Variants in HPSE2 observed in about 807,000 individuals in gnomAD.
HPSE2 encodes heparanase 2 (inactive).
Under a neutral mutation model 60.5 loss-of-function variants are expected in HPSE2, and 38 were observed. That is an observed-to-expected ratio of 0.63 (90% CI 0.48 to 0.82). HPSE2 has a LOEUF of 0.82. Among genes scored for constraint, HPSE2 ranks in the 40% least tolerant of loss-of-function variants. The probability of loss-of-function intolerance (pLI) is 0.00; values close to 1 mark genes in which losing one functional copy is unlikely to be tolerated. For synonymous variants in HPSE2, 295 were observed against 293.2 expected (o/e 1.01, Z -0.06); for missense variants, 713 against 740.4 (o/e 0.96, Z 0.43).
intron 2 of HPSE2, among the ~76,000 whole-genome samples, chr10:99,213,803 A>C (rs1219937552): frequency 6.6e-6 from 1 of 152,202 alleles, no homozygotes; most frequent in East Asian, 1.9e-4. Flanking sequence ...CCTCTTCTAC[A>C]AAATGGGAAT....
intron 2 of HPSE2, among the ~76,000 whole-genome samples, chr10:99,224,056 C>T (rs1417978093): frequency 6.6e-6 from 1 of 152,084 alleles, no homozygotes; most frequent in African/African-American, 2.4e-5. Context: ...TATAAGATCA[C>T]AGCACTCTTG....
intron 9 of HPSE2, among the ~76,000 whole-genome samples, chr10:98,563,491 T>C (rs1036941557): frequency 1.3e-5 from 2 of 152,182 alleles, no homozygotes; most frequent in African/African-American, 4.8e-5. Context: ...AAAGTGATTA[T>C]TGTACAATTC....
intron 2 of HPSE2, among the ~76,000 whole-genome samples, chr10:99,166,913 G>T (rs1847102831): frequency 6.7e-6 from 1 of 149,756 alleles, no homozygotes; most frequent in African/African-American, 2.4e-5. Flanking sequence ...GTCTTTCACA[G>T]ACCAAAATTT....
chr10:98,886,741 C>G (rs948620826), intron 3 of HPSE2, among the ~76,000 whole-genome samples: 1 of 151,988 alleles, frequency 6.6e-6, no homozygotes, highest in African/African-American at 2.4e-5. Flanking sequence ...TTGAGAGAAT[C>G]GGAAAAGCAT....
intron 3 of HPSE2, among the ~76,000 whole-genome samples, chr10:99,024,176 T>C (rs77906761): frequency 0.041 from 6,303 of 151,978 alleles, 197 homozygotes; most frequent in Non-Finnish European, 0.066. Context: ...AAGAAGAAAT[T>C]CTGGAGCTGA....
At chr10:98,908,683 CA>C (rs35913499) in intron 3 of HPSE2, among the ~76,000 whole-genome samples, 3,465 of 65,570 alleles carry the variant, frequency 0.053, 21 homozygotes, top group East Asian at 0.22. Flanking sequence ...AGCTCCATCT[CA>C]AAAAAAAAAA....
chr10:98,779,975 C>T lies in HPSE2; in HGVS notation c.611-35919G>A, dbSNP rs542622494. ...ACACATTAGTTACAAGCACGGGGGT[C>T]TCTCATAATATATATTTTTTTCTCC... On this transcript the variant is annotated intron_variant, in intron 3 of 11. Transcript: ENST00000370552. Among the ~76,000 whole-genome samples, 4 of 152,184 alleles carry T rather than the reference C, an allele frequency of 2.6e-5. No homozygotes were observed. In the South Asian group the frequency reaches 8.3e-4, roughly 32 times the overall value.
At chr10:98,636,880 A>G (rs1946515191) in intron 7 of HPSE2, among the ~76,000 whole-genome samples, 1 of 152,178 alleles carries the variant, frequency 6.6e-6, no homozygotes, top group Non-Finnish European at 1.5e-5. Flanking sequence ...CAGAGTCCAA[A>G]TGACTTCAGC....
intron 3 of HPSE2, among the ~76,000 whole-genome samples, chr10:99,054,591 C>T (rs1224549186): frequency 6.6e-6 from 1 of 152,172 alleles, no homozygotes; most frequent in African/African-American, 2.4e-5. Context: ...AAGCATAAAA[C>T]CAAGCCCACA....
intron 3 of HPSE2, among the ~76,000 whole-genome samples, chr10:99,115,688 T>C (rs1464920137): frequency 3.9e-5 from 6 of 152,190 alleles, no homozygotes; most frequent in Admixed American, 3.9e-4. Context: ...CCCATATTGT[T>C]TTTTTCTGAT....
intron 7 of HPSE2, among the ~76,000 whole-genome samples, chr10:98,634,781 T>C (rs1477817785): frequency 6.6e-6 from 1 of 152,192 alleles, no homozygotes. Context: ...TGATAACAAA[T>C]GAATAATCAT....
chr10:99,286,445 A>G, the HPSE2 span, among the ~76,000 whole-genome samples: 1 of 152,194 alleles, frequency 6.6e-6, no homozygotes, highest in South Asian at 2.1e-4. Context: ...TAAAAGGACA[A>G]ATATTGTATG....
chr10:98,714,778 C>A (rs986283047), intron 5 of HPSE2, among the ~76,000 whole-genome samples: 3 of 151,810 alleles, frequency 2.0e-5, no homozygotes, highest in Admixed American at 6.6e-5. Flanking sequence ...AGCAGCTGAA[C>A]CATATTATAT....
chr10:98,922,727 G>A (rs932409258), intron 3 of HPSE2, among the ~76,000 whole-genome samples: 1 of 152,030 alleles, frequency 6.6e-6, no homozygotes, highest in African/African-American at 2.4e-5. Context: ...AGACAGTAGG[G>A]GCCTTGCTGG....
chr10:99,219,047 CACCAGA>C (rs1849226785), intron 2 of HPSE2, among the ~76,000 whole-genome samples: 1 of 152,216 alleles, frequency 6.6e-6, no homozygotes, highest in Admixed American at 6.5e-5. Context: ...GTGACTAAGT[CACCAGA>C]AAGCTCAAGT....
intron 6 of HPSE2, among the ~76,000 whole-genome samples, chr10:98,659,846 T>C (rs556284184): frequency 6.9e-4 from 105 of 152,286 alleles, no homozygotes; most frequent in African/African-American, 2.2e-3. Flanking sequence ...AAATTGAAAT[T>C]ACACAGGACA....
At chr10:99,294,837 T>A in the HPSE2 span, among the ~76,000 whole-genome samples, 8 of 152,088 alleles carry the variant, frequency 5.3e-5, no homozygotes, top group Admixed American at 3.3e-4. Context: ...ACGCCTGTAA[T>A]CCCAGCTACT....
the HPSE2 span, among the ~76,000 whole-genome samples, chr10:99,255,995 ATCT>A: frequency 6.6e-6 from 1 of 152,138 alleles, no homozygotes; most frequent in African/African-American, 2.4e-5. Context: ...AGGCCAGCAC[ATCT>A]TCTCATGACT....
chr10:99,252,580 A>G, the HPSE2 span, among the ~76,000 whole-genome samples: 1 of 152,164 alleles, frequency 6.6e-6, no homozygotes, highest in African/African-American at 2.4e-5. Flanking sequence ...AATAGCCACA[A>G]AAAAATGAAA....
Sources: gnomAD v4.1 joint callset for allele counts (sites outside exome capture counted in the v4.1 genomes callset) on GRCh38, gnomAD v4.1.1 for gene constraint, MANE v1.5 for transcripts, NCBI Gene and HGNC (gene_info 2026-07-23, HGNC 2026-07-21) for gene names.